The following PEAK3 variants were observed in gnomAD, a reference collection of about 807,000 sequenced individuals.
PEAK3 encodes protein PEAK3.
PEAK3 carries 15 observed loss-of-function variants against 13.3 expected under a neutral mutation model. The observed-to-expected ratio is 1.13, with a 90% CI of 0.75 to 1.73. The LOEUF (loss-of-function observed/expected upper bound fraction) is 1.73, where lower values mean the gene tolerates loss of function less well. Among genes scored for constraint, PEAK3 ranks in the 40% most tolerant of loss-of-function variants. PEAK3 has a pLI of 0.00. For synonymous variants in PEAK3, 347 were observed against 341.9 expected (o/e 1.01, Z -0.17); for missense variants, 739 against 690.2 (o/e 1.07, Z -0.79).
At chr19:2,278,385 T>C (rs2025409681) in intron 3 of PEAK3, among the ~76,000 whole-genome samples, 199 bp downstream of exon 3, 2 of 123,248 alleles carry the variant, frequency 1.6e-5, no homozygotes, top group South Asian at 4.8e-4. Flanking sequence ...GGTCTTGAAC[T>C]CCTGACCTCA....
rs142873491 is a variant in PEAK3, at chr19:2,278,650, G to A, written c.546C>T (p.Ser182=). Residue 182 remains serine (S), a synonymous_variant, in exon 3 of 4, where the codon AGC becomes AGT. Coordinates refer to ENST00000342063, the MANE Select transcript of PEAK3 (RefSeq NM_198532.3). Reference sequence around the variant, plus strand: ...CCACGCGGTAATACAGGGCGTCCCCGCTCTCTGCGCAGGGTGAGCTGTCTA... The same window carrying A: ...CCACGCGGTAATACAGGGCGTCCCCACTCTCTGCGCAGGGTGAGCTGTCTA... ...RLLDSSPCAE[S]GDALYYRVVR... The A allele has an allele frequency of 1.4e-5, 21 of 1,508,708 alleles. No homozygotes were observed. The highest frequency in any genetic ancestry group is 2.3e-5 in the Admixed American group (1 of 44,008). 93.5% of individuals were successfully genotyped at this position (1,508,708 alleles called of 1,614,324 possible). A position where few individuals can be genotyped will look rare whatever the true frequency, so the allele number is the denominator to read the frequency against.
chr19:2,278,780 G>A lies in PEAK3; in HGVS notation c.416C>T (p.Ala139Val), dbSNP rs2025415339. The A allele has an allele frequency of 9.5e-6, 15 of 1,572,096 alleles. No individual in the cohort carries two copies. The highest frequency in any genetic ancestry group is 1.3e-5 in the Non-Finnish European group (15 of 1,156,872). Residue 139 changes from alanine (A) to valine (V), a missense_variant, in exon 3 of 4, where the codon GCT (alanine) becomes GTT (valine). By Grantham distance (64) the Ala-to-Val change is moderately conservative (BLOSUM62 0). Transcript: ENST00000342063. ...HSPEAVHTAL[A>V]ARQLQGLRTI... ...ACGGAGGCCCTGCAGCTGCCGCGCA[G>A]CCAGTGCAGTGTGCACAGCCTCCGG...
Position 2,278,641 on chromosome 19 carries a change from G to T in PEAK3, c.555C>A (p.Ala185=). 1 of 1,505,822 alleles carries T rather than the reference G, an allele frequency of 6.6e-7. No homozygotes were observed. Among genetic ancestry groups the T allele is most frequent in the Admixed American group, 2.3e-5 (1 of 43,786 alleles). 93.3% of individuals were successfully genotyped at this position (1,505,822 alleles called of 1,614,324 possible). A position where few individuals can be genotyped will look rare whatever the true frequency, so the allele number is the denominator to read the frequency against. The part of the protein sequence containing the change: ...DSSPCAESGD[A]LYYRVVRAHE... ...GCGCGCGCACCACGCGGTAATACAG[G>T]GCGTCCCCGCTCTCTGCGCAGGGTG... The change falls in exon 3 of 4, where the codon GCC becomes GCA. Residue 185 remains alanine (A), a synonymous_variant. Transcript: ENST00000342063.
chr19:2,279,344 T>C (rs1480729581), intron 2 of PEAK3, among the ~76,000 whole-genome samples: 3 of 152,120 alleles, frequency 2.0e-5, no homozygotes, highest in Non-Finnish European at 2.9e-5. Context: ...ACCCTGTCTC[T>C]GCAAAAATTT....
Position 2,275,589 on chromosome 19 carries a change from G to T in PEAK3, c.*91C>A. ...TGCGCTCCTGGACTCTGCAGGAAGA[G>T]GGTGTCTTGGCTATCATGGAGACGC... On this transcript the variant is annotated 3_prime_UTR_variant, in exon 4 of 4. Transcript: ENST00000342063. 1 of 1,154,088 alleles carries T rather than the reference G, an allele frequency of 8.7e-7. No individual in the cohort carries two copies. The highest frequency in any genetic ancestry group is 1.1e-6 in the Non-Finnish European group (1 of 883,162). The allele number at this position is 1,154,088 out of a possible 1,614,324, so 71.5% of individuals were successfully genotyped here.
intron 2 of PEAK3, among the ~76,000 whole-genome samples, chr19:2,280,525 G>A (rs2025429678): frequency 6.7e-6 from 1 of 149,998 alleles, no homozygotes; most frequent in South Asian, 2.1e-4. Flanking sequence ...TTTTTGTTTT[G>A]TAGAGATGGG....
chr19:2,275,588 A>T lies in PEAK3; in HGVS notation c.*92T>A. On this transcript the variant is annotated 3_prime_UTR_variant, in exon 4 of 4. Transcript: ENST00000342063. ...CTGCGCTCCTGGACTCTGCAGGAAG[A>T]GGGTGTCTTGGCTATCATGGAGACG... 1 of 1,141,904 alleles carries T rather than the reference A, an allele frequency of 8.8e-7. No homozygotes were observed. The highest frequency in any genetic ancestry group is 1.1e-6 in the Non-Finnish European group (1 of 872,648). 70.7% of individuals were successfully genotyped at this position (1,141,904 alleles called of 1,614,324 possible).
rs2025384149 is a variant in PEAK3, at chr19:2,276,100, G to C, written c.1002C>G (p.Val334=). 2 of 1,506,036 alleles carry C rather than the reference G, an allele frequency of 1.3e-6. No individual in the cohort carries two copies. The highest frequency in any genetic ancestry group is 5.0e-5 in the East Asian group (2 of 39,660). The allele number at this position is 1,506,036 out of a possible 1,614,324, so 93.3% of individuals were successfully genotyped here. A position where few individuals can be genotyped will look rare whatever the true frequency, so the allele number is the denominator to read the frequency against. Residue 334 remains valine, a synonymous_variant, in exon 4 of 4, where the codon GTC becomes GTG. Coordinates refer to ENST00000342063, the MANE Select transcript of PEAK3 (RefSeq NM_198532.3). ...PRLLLTDFGR[V]CLQPPGPPGS... ...CCGGGGGTCCAGGGGGCTGCAGACA[G>C]ACGCGGCCAAAGTCAGTGAGGAGCA...
chr19:2,278,979 G>C lies in PEAK3; in HGVS notation c.217C>G (p.Arg73Gly). Residue 73 changes from arginine to glycine, a missense_variant, in exon 3 of 4, where the codon CGC becomes GGC. Transcript: ENST00000342063. ...ATGGAGCTGGGATGGAGGGTCCTGCGGGTGGGCAGTGACTGGGTCCGGGTT... is the reference window on the plus strand; with the variant it reads ...ATGGAGCTGGGATGGAGGGTCCTGCCGGTGGGCAGTGACTGGGTCCGGGTT... ...ILTRTQSLPTRRTLHPSSIQV... is the reference protein window; with the variant it reads ...ILTRTQSLPTGRTLHPSSIQV... The C allele has an allele frequency of 1.3e-6, 2 of 1,595,932 alleles. No homozygotes were observed. Among genetic ancestry groups the C allele is most frequent in the South Asian group, 1.1e-5 (1 of 89,754 alleles).
At chr19:2,276,711 T>G (rs10409063) in intron 3 of PEAK3, among the ~76,000 whole-genome samples, 1 of 152,224 alleles carries the variant, frequency 6.6e-6, no homozygotes, top group Admixed American at 6.5e-5. Context: ...AAGAAGATGT[T>G]CCTGGGCAAT....
chr19:2,280,700 G>A (rs2025431253), intron 2 of PEAK3, 150 bp downstream of exon 2: 2 of 647,954 alleles, frequency 3.1e-6, no homozygotes, highest in South Asian at 3.8e-5. Context: ...GGCCTTCCCG[G>A]AGGTCACTCA....
chr19:2,280,944 A>G lies in PEAK3; in HGVS notation c.-4-9T>C, dbSNP rs775815293. 5.9e-6 allele frequency: 9 copies of G among 1,536,506 alleles called. No homozygotes were observed. The highest frequency in any genetic ancestry group is 7.9e-6 in the Non-Finnish European group (9 of 1,136,988). ...CCGGGCTGCTCATGTTGCTGGGGAA[A>G]GGTCAAACGGGGCGTGTGTGGGGTG... On this transcript the variant is annotated splice_polypyrimidine_tract_variant and intron_variant, in intron 1 of 3. Coordinates refer to ENST00000342063, the MANE Select transcript of PEAK3 (RefSeq NM_198532.3).
chr19:2,278,941 CG>C lies in PEAK3; in HGVS notation c.254del (p.Pro85ArgfsTer28). ...GGGACCCCAGAAAGGGTCTCCGAGGCGGCTGTACTTGGATGGAGCTGGGATG... is the reference window on the plus strand; with the variant it reads ...GGGACCCCAGAAAGGGTCTCCGAGGCGCTGTACTTGGATGGAGCTGGGATG... ...TLHPSSIQVQ[P>X]PRRPFLGSHS... On this transcript the variant is annotated frameshift_variant, in exon 3 of 4. Transcript: ENST00000342063. LOFTEE classifies it high-confidence loss of function. 6.2e-7 allele frequency: 1 copy of C among 1,607,448 alleles called. No homozygotes were observed. Among genetic ancestry groups the C allele is most frequent in the Admixed American group, 1.7e-5 (1 of 59,202 alleles).
chr19:2,276,662 T>C (rs1477875196), intron 3 of PEAK3, among the ~76,000 whole-genome samples, 173 bp from the exon 4 acceptor site: 2 of 152,164 alleles, frequency 1.3e-5, no homozygotes, highest in African/African-American at 4.8e-5. Context: ...ATTTGGAAGT[T>C]AGTCACCAGT....
At chr19:2,279,763 T>C (rs1319724368) in intron 2 of PEAK3, among the ~76,000 whole-genome samples, 2 of 151,900 alleles carry the variant, frequency 1.3e-5, no homozygotes, top group Non-Finnish European at 2.9e-5. Context: ...TCTTGCTTTT[T>C]TTCTTTTTTG....
rs763559496 is a variant in PEAK3, at chr19:2,276,293, C to T, written c.809G>A (p.Cys270Tyr). Residue 270 changes from cysteine (C) to tyrosine (Y), a missense_variant, in exon 4 of 4, where the codon TGC becomes TAC. Physicochemically the swap from Cys to Tyr is radical, Grantham distance 194. Transcript: ENST00000342063. ...CACGAACTCCTCCGGCGGCTGCGTG[C>T]AGGCCTCCGCCAGCCACTGCGCCAC... ...RTVAQWLAEA[C>Y]TQPPEEFVWA... 3.8e-6 allele frequency: 6 copies of T among 1,591,646 alleles called. No individual in the cohort carries two copies. Among genetic ancestry groups the T allele is most frequent in the Non-Finnish European group, 5.1e-6 (6 of 1,176,254 alleles).
In PEAK3 at chr19:2,275,700, G is replaced by T; in HGVS notation, c.1402C>A (p.Leu468Met). The T allele has an allele frequency of 6.6e-7, 1 of 1,513,714 alleles. No individual in the cohort carries two copies. 93.8% of individuals were successfully genotyped at this position (1,513,714 alleles called of 1,614,324 possible). A position where few individuals can be genotyped will look rare whatever the true frequency, so the allele number is the denominator to read the frequency against. The part of the protein sequence containing the change: ...EATESSMGQA[L>M]ALLWD ...TGGGGTCAGTCCCACAGCAGCGCCA[G>T]GGCCTGGCCCATCGAGGACTCGGTG... Residue 468 changes from leucine (L) to methionine (M), a missense_variant, in exon 4 of 4, where the codon CTG becomes ATG. Coordinates refer to ENST00000342063, the MANE Select transcript of PEAK3 (RefSeq NM_198532.3).
At chr19:2,279,745 A>C (rs989799389) in intron 2 of PEAK3, among the ~76,000 whole-genome samples, 1 of 151,566 alleles carries the variant, frequency 6.6e-6, no homozygotes, top group Non-Finnish European at 1.5e-5. Context: ...GCTTTGCACA[A>C]GCGTCTGTCT....
chr19:2,281,749 C>T (rs1446039604), intron 1 of PEAK3, among the ~76,000 whole-genome samples: 4 of 152,140 alleles, frequency 2.6e-5, no homozygotes, highest in Non-Finnish European at 5.9e-5. Context: ...CTCTCTGGGG[C>T]CCTGCTGTGT....
Sources: gnomAD v4.1 joint callset for allele counts (sites outside exome capture counted in the v4.1 genomes callset) on GRCh38, gnomAD v4.1.1 for gene constraint, MANE v1.5 for transcripts, NCBI Gene and HGNC (gene_info 2026-07-23, HGNC 2026-07-21) for gene names.